Variants in DNAI7 observed in about 807,000 individuals in gnomAD.
The protein encoded by DNAI7 is cancer susceptibility 1.
A neutral mutation model predicts 86.6 loss-of-function variants in DNAI7; 78 were observed. That is an observed-to-expected ratio of 0.90 (90% CI 0.75 to 1.09). The LOEUF (loss-of-function observed/expected upper bound fraction) is 1.09, where lower values mean the gene tolerates loss of function less well. Among genes scored for constraint, DNAI7 ranks in the 50% least tolerant of loss-of-function variants. DNAI7 has a pLI of 0.00. For missense variants in DNAI7, 753 were observed against 810.2 expected (o/e 0.93, Z 0.86); for synonymous variants, 274 against 273.0 (o/e 1.00, Z -0.04).
chr12:25,172,771 C>A (rs1948284735), intron 2 of DNAI7, among the ~76,000 whole-genome samples: 1 of 152,210 alleles, frequency 6.6e-6, no homozygotes, highest in South Asian at 2.1e-4. Context: ...ATCAATGGAA[C>A]AGAATAGAGA....
chr12:25,194,588 C>T (rs1435822414), intron 1 of DNAI7, among the ~76,000 whole-genome samples: 1 of 152,140 alleles, frequency 6.6e-6, no homozygotes, highest in African/African-American at 2.4e-5. Flanking sequence ...GAAGCCTTAT[C>T]ATATTTAACT....
chr12:25,121,819 T>A lies in DNAI7; in HGVS notation c.1173A>T (p.Val391=). Residue 391 remains valine (V), a synonymous_variant, in exon 11 of 16, where the codon GTA becomes GTT. Transcript: ENST00000395987. Reference sequence around the variant, plus strand: ...GAAGCTCCAAAATATCCAAGTGGTATACTCCACCCAGAGTTGTGAACTGGC... The same window carrying A: ...GAAGCTCCAAAATATCCAAGTGGTAAACTCCACCCAGAGTTGTGAACTGGC... The part of the protein sequence containing the change: ...DLCQFTTLGG[V]YHLDILELPP... The A allele has an allele frequency of 6.2e-7, 1 of 1,607,316 alleles. No homozygotes were observed. Among genetic ancestry groups the A allele is most frequent in the Non-Finnish European group, 8.5e-7 (1 of 1,178,166 alleles).
chr12:25,160,139 A>T (rs1487002282), intron 3 of DNAI7, among the ~76,000 whole-genome samples: 1 of 151,998 alleles, frequency 6.6e-6, no homozygotes, highest in African/African-American at 2.4e-5. Flanking sequence ...TTTTATTTTT[A>T]TAAAAGAATA....
At chr12:25,178,032 C>T (rs1949130605) in intron 2 of DNAI7, among the ~76,000 whole-genome samples, 1 of 152,150 alleles carries the variant, frequency 6.6e-6, no homozygotes, top group Non-Finnish European at 1.5e-5. Flanking sequence ...AGCCTGGTAA[C>T]ATTTTGTTTA....
chr12:25,144,275 T>A lies in DNAI7; in HGVS notation c.1002+90A>T. 4 of 1,109,164 alleles carry A rather than the reference T, an allele frequency of 3.6e-6. 1 individual carries two copies. The South Asian group carries it at 6.3e-5, about 17-fold the overall frequency. 68.7% of individuals were successfully genotyped at this position (1,109,164 alleles called of 1,614,324 possible). On this transcript the variant is annotated intron_variant, in intron 9 of 15. Coordinates refer to ENST00000395987, the MANE Select transcript of DNAI7 (RefSeq NM_018272.5). ...AAGTGGCTCCCAGACAATTTCCAGT[T>A]GTTTAGGAAAAATCTTGAGAACACT...
chr12:25,150,203 A>G (rs1167931591), intron 6 of DNAI7, among the ~76,000 whole-genome samples: 1 of 152,174 alleles, frequency 6.6e-6, no homozygotes, highest in Non-Finnish European at 1.5e-5. Context: ...GGAACACATA[A>G]TTGTCCCAGT....
chr12:25,134,265 C>T (rs1265716553), intron 9 of DNAI7, among the ~76,000 whole-genome samples: 2 of 151,934 alleles, frequency 1.3e-5, no homozygotes, highest in African/African-American at 4.8e-5. Context: ...AGCCACTGCA[C>T]CCAGCCTAGA....
At chr12:25,149,259 T>C (rs762577407) in intron 7 of DNAI7, among the ~76,000 whole-genome samples, 18 of 152,150 alleles carry the variant, frequency 1.2e-4, no homozygotes, top group Non-Finnish European at 2.2e-4. Flanking sequence ...TAATAGCAAA[T>C]AGAAATAGTA....
chr12:25,121,130 C>T (rs1189695344), intron 11 of DNAI7, among the ~76,000 whole-genome samples: 2 of 152,236 alleles, frequency 1.3e-5, no homozygotes, highest in South Asian at 2.1e-4. Context: ...TCCAGGGTTT[C>T]GGATTCAGTA....
chr12:25,140,741 C>T (rs1944087750), intron 9 of DNAI7, among the ~76,000 whole-genome samples: 1 of 151,882 alleles, frequency 6.6e-6, no homozygotes, highest in South Asian at 2.1e-4. Flanking sequence ...CAAAAAAGAG[C>T]CCACATAGCC....
intron 6 of DNAI7, among the ~76,000 whole-genome samples, chr12:25,154,116 G>C (rs1565746446): frequency 6.6e-6 from 1 of 151,996 alleles, no homozygotes; most frequent in African/African-American, 2.4e-5. Context: ...TTTATGATAT[G>C]CTGACCTTAG....
At chr12:25,142,495 TAA>T (rs140708153) in intron 9 of DNAI7, among the ~76,000 whole-genome samples, 1 of 144,428 alleles carries the variant, frequency 6.9e-6, no homozygotes, top group East Asian at 2.1e-4. Context: ...CCTTTTGAAA[TAA>T]AAAAAAAACA....
chr12:25,171,250 T>C (rs536162181), intron 2 of DNAI7, among the ~76,000 whole-genome samples: 9 of 152,094 alleles, frequency 5.9e-5, no homozygotes, highest in Admixed American at 2.6e-4. Flanking sequence ...GAAAAGAAGA[T>C]AGAAAATCCA....
chr12:25,152,472 T>G (rs1341917944), intron 6 of DNAI7, among the ~76,000 whole-genome samples: 1 of 151,868 alleles, frequency 6.6e-6, no homozygotes, highest in African/African-American at 2.4e-5. Flanking sequence ...AAGGGTGGTG[T>G]GCCCCAAGAG....
chr12:25,165,938 C>T (rs1258915056), intron 2 of DNAI7, among the ~76,000 whole-genome samples: 3 of 152,118 alleles, frequency 2.0e-5, no homozygotes, highest in African/African-American at 7.2e-5. Context: ...TATCTGCTTC[C>T]CTGCCTATTC....
At chr12:25,120,342 G>GAGAGAGA (rs71065905) in intron 11 of DNAI7, among the ~76,000 whole-genome samples, 37 of 138,034 alleles carry the variant, frequency 2.7e-4, no homozygotes, top group East Asian at 4.6e-4. Flanking sequence ...GAGAGAGAGA[G>GAGAGAGA]GAAGGAAGGG....
intron 14 of DNAI7, among the ~76,000 whole-genome samples, chr12:25,111,029 T>C (rs1400428909): frequency 2.6e-5 from 4 of 152,126 alleles, no homozygotes; most frequent in Admixed American, 2.6e-4. Flanking sequence ...TTTTTTCCTA[T>C]GCATATATGT....
At chr12:25,190,429 A>G (rs1950415970) in intron 2 of DNAI7, among the ~76,000 whole-genome samples, 185 bp downstream of exon 2, 1 of 152,224 alleles carries the variant, frequency 6.6e-6, no homozygotes, top group Non-Finnish European at 1.5e-5. Context: ...CTTATGTCAA[A>G]TTTGAAATGC....
chr12:25,123,702 C>G (rs1225999535), intron 9 of DNAI7, among the ~76,000 whole-genome samples: 2 of 152,138 alleles, frequency 1.3e-5, no homozygotes, highest in Non-Finnish European at 2.9e-5. Context: ...AAAGATGTTG[C>G]AGCTCAAGTA....
Sources: gnomAD v4.1 joint callset for allele counts (sites outside exome capture counted in the v4.1 genomes callset) on GRCh38, gnomAD v4.1.1 for gene constraint, MANE v1.5 for transcripts, NCBI Gene and HGNC (gene_info 2026-07-23, HGNC 2026-07-21) for gene names.